CDH8: variants seen among roughly 807,000 people sequenced by gnomAD.
CDH8 encodes the protein cadherin 8.
In CDH8, 17 loss-of-function variants were observed where a neutral mutation model predicts 68.1. The observed-to-expected ratio is 0.25, with a 90% confidence interval of 0.17 to 0.37. The LOEUF (loss-of-function observed/expected upper bound fraction) is 0.37, where lower values mean the gene tolerates loss of function less well. Ranked by LOEUF, CDH8 falls within the 10% of genes least tolerant of loss-of-function variation. The probability of loss-of-function intolerance (pLI) is 1.00; values close to 1 mark genes in which losing one functional copy is unlikely to be tolerated. For synonymous variants in CDH8, 372 were observed against 365.1 expected (o/e 1.02, Z -0.21); for missense variants, 763 against 999.3 (o/e 0.76, Z 3.19).
chr16:62,015,071 TA>T (rs2150607317), intron 2 of CDH8, among the ~76,000 whole-genome samples: 1 of 152,182 alleles, frequency 6.6e-6, no homozygotes, highest in South Asian at 2.1e-4. Flanking sequence ...ATCTGAAATC[TA>T]AAAAGCTCCA....
At chr16:61,750,082 T>A (rs1960120034) in intron 8 of CDH8, among the ~76,000 whole-genome samples, 1 of 152,020 alleles carries the variant, frequency 6.6e-6, no homozygotes, top group Non-Finnish European at 1.5e-5. Flanking sequence ...GCTCTAGTAG[T>A]CGTCAGTGTC....
chr16:61,728,630 G>A (rs1315610198), intron 8 of CDH8, among the ~76,000 whole-genome samples: 2 of 151,030 alleles, frequency 1.3e-5, no homozygotes, highest in Non-Finnish European at 3.0e-5. Context: ...CTAACACAAG[G>A]CACTCATATT....
At chr16:61,856,276 CA>C (rs1017631590) in intron 4 of CDH8, among the ~76,000 whole-genome samples, 210 of 151,624 alleles carry the variant, frequency 1.4e-3, no homozygotes, top group African/African-American at 3.1e-3. Context: ...AGAAAATATA[CA>C]AAAAAAATTG....
At chr16:61,936,694 G>A (rs570278251) in intron 2 of CDH8, among the ~76,000 whole-genome samples, 7 of 152,184 alleles carry the variant, frequency 4.6e-5, no homozygotes, top group East Asian at 1.9e-4. Context: ...AAGTATGGGG[G>A]TCCAGAACTT....
chr16:61,701,839 A>G (rs527800670), intron 10 of CDH8, among the ~76,000 whole-genome samples: 43 of 152,266 alleles, frequency 2.8e-4, no homozygotes, highest in Admixed American at 1.3e-3. Flanking sequence ...TGTTGTTGTC[A>G]TTGCTAGTAT....
At chr16:61,838,994 T>C (rs1394873774) in intron 4 of CDH8, among the ~76,000 whole-genome samples, 3 of 152,110 alleles carry the variant, frequency 2.0e-5, no homozygotes, top group African/African-American at 7.2e-5. Context: ...AAGTACAGCA[T>C]AATAAGTGAC....
At chr16:61,761,610 A>G (rs1156339123) in intron 8 of CDH8, among the ~76,000 whole-genome samples, 1 of 152,224 alleles carries the variant, frequency 6.6e-6, no homozygotes, top group Non-Finnish European at 1.5e-5. Context: ...ACACTAAAAC[A>G]AATAAGAATA....
intron 4 of CDH8, among the ~76,000 whole-genome samples, chr16:61,832,959 A>G (rs1020787322): frequency 6.6e-6 from 1 of 151,578 alleles, no homozygotes; most frequent in Non-Finnish European, 1.5e-5. Context: ...TCATCTGTCT[A>G]TAAGAAGAAG....
intron 8 of CDH8, among the ~76,000 whole-genome samples, chr16:61,731,929 A>G (rs1400479820): frequency 1.3e-5 from 2 of 151,790 alleles, no homozygotes; most frequent in African/African-American, 2.4e-5. Context: ...GACAGAAATT[A>G]TTAAAAAGGA....
chr16:61,988,160 G>A (rs1200929068), intron 2 of CDH8, among the ~76,000 whole-genome samples: 1 of 152,006 alleles, frequency 6.6e-6, no homozygotes, highest in East Asian at 1.9e-4. Context: ...CCTATCTATA[G>A]AAAATTATTT....
chr16:61,862,151 A>ACC (rs1963162735), intron 3 of CDH8, among the ~76,000 whole-genome samples: 1 of 151,866 alleles, frequency 6.6e-6, no homozygotes, highest in South Asian at 2.1e-4. Flanking sequence ...ACACACACAC[A>ACC]CACACACACA....
intron 2 of CDH8, among the ~76,000 whole-genome samples, chr16:61,911,994 A>G (rs374829612): frequency 6.6e-6 from 1 of 152,254 alleles, no homozygotes; most frequent in East Asian, 1.9e-4. Context: ...AGCTTGATTA[A>G]CAAGAGTACT....
chr16:61,961,376 C>T (rs958706143), intron 2 of CDH8, among the ~76,000 whole-genome samples: 1 of 152,074 alleles, frequency 6.6e-6, no homozygotes, highest in African/African-American at 2.4e-5. Flanking sequence ...CCAGCAGCAG[C>T]GAATCCCTGT....
chr16:61,775,668 C>T (rs1960883027), intron 8 of CDH8, among the ~76,000 whole-genome samples: 4 of 151,976 alleles, frequency 2.6e-5, no homozygotes, highest in Admixed American at 1.3e-4. Flanking sequence ...GCTAAGCTAG[C>T]CTGCTAGAGG....
intron 2 of CDH8, among the ~76,000 whole-genome samples, chr16:61,994,566 C>T (rs2150591953): frequency 6.6e-6 from 1 of 152,298 alleles, no homozygotes; most frequent in Non-Finnish European, 1.5e-5. Context: ...GATGTTCTCT[C>T]TGCTACACAC....
chr16:61,685,184 A>C (rs1364187987), intron 10 of CDH8, among the ~76,000 whole-genome samples: 3 of 123,582 alleles, frequency 2.4e-5, no homozygotes, highest in Non-Finnish European at 4.8e-5. Context: ...GTCCTGTCTG[A>C]AAAAAAAAAA....
chr16:61,659,904 T>C (rs1963523123), intron 10 of CDH8, among the ~76,000 whole-genome samples: 1 of 152,120 alleles, frequency 6.6e-6, no homozygotes, highest in Non-Finnish European at 1.5e-5. Context: ...GACTGGTCTG[T>C]AGAGTAATTT....
At chr16:61,837,748 C>G (rs1962597950) in intron 4 of CDH8, among the ~76,000 whole-genome samples, 1 of 152,040 alleles carries the variant, frequency 6.6e-6, no homozygotes, top group Admixed American at 6.6e-5. Context: ...CCATTCATTA[C>G]TAGTGGTCCT....
At chr16:61,753,498 C>A (rs1160679823) in intron 8 of CDH8, among the ~76,000 whole-genome samples, 1 of 152,054 alleles carries the variant, frequency 6.6e-6, no homozygotes, top group African/African-American at 2.4e-5. Context: ...CCTCAGCTTC[C>A]CAAAGTGCTC....
Sources: allele counts gnomAD v4.1 joint callset (sites outside exome capture counted in the v4.1 genomes callset), GRCh38; gene constraint gnomAD v4.1.1; transcripts MANE v1.5; gene names NCBI Gene and HGNC (gene_info 2026-07-23, HGNC 2026-07-21).